Variants in HDAC4 observed in about 807,000 individuals in gnomAD.
The protein encoded by HDAC4 is histone deacetylase 4.
HDAC4 carries 16 observed loss-of-function variants against 135.1 expected under a neutral mutation model. The ratio of observed to expected loss-of-function variants is 0.12; its 90% CI spans 0.08 to 0.18. The LOEUF (loss-of-function observed/expected upper bound fraction) is 0.18, where lower values mean the gene tolerates loss of function less well. Ranked by LOEUF, HDAC4 falls within the 10% of genes least tolerant of loss-of-function variation. HDAC4 has a pLI of 1.00. For missense variants in HDAC4, 1,143 were observed against 1,511.8 expected (o/e 0.76, Z 4.05); for synonymous variants, 685 against 653.4 (o/e 1.05, Z -0.74).
intron 11 of HDAC4, 65 bp downstream of exon 11, chr2:239,134,180 C>G (rs1021517283): frequency 2.1e-5 from 28 of 1,344,942 alleles, no homozygotes; most frequent in Admixed American, 1.0e-4. Flanking sequence ...CAGGCGAAGG[C>G]GGGGCACCAT....
chr2:239,197,882 T>TGTGTGCGCGC (rs796837146), intron 3 of HDAC4, among the ~76,000 whole-genome samples: 1 of 150,312 alleles, frequency 6.7e-6, no homozygotes, highest in African/African-American at 2.5e-5. Context: ...TGTGTGTGTG[T>TGTGTGCGCGC]GCTGAGTGTC....
At chr2:239,072,249 G>T (rs531871303) in intron 22 of HDAC4, among the ~76,000 whole-genome samples, 1 of 152,154 alleles carries the variant, frequency 6.6e-6, no homozygotes, top group Non-Finnish European at 1.5e-5. Context: ...ACGTTAGTGC[G>T]AATTTATTTT....
chr2:239,156,545 G>C, intron 7 of HDAC4, 107 bp downstream of exon 7: 2 of 1,347,062 alleles, frequency 1.5e-6, no homozygotes, highest in Non-Finnish European at 2.1e-6. Flanking sequence ...AAATCTGCAG[G>C]TGATTCCTTC....
At chr2:239,382,038 A>C (rs1211329945) in intron 1 of HDAC4, among the ~76,000 whole-genome samples, 2 of 152,062 alleles carry the variant, frequency 1.3e-5, no homozygotes, top group African/African-American at 4.8e-5. Context: ...CAGATCACAT[A>C]CGGCTCCCTA....
chr2:239,130,539 C>T (rs1465068709), intron 11 of HDAC4, among the ~76,000 whole-genome samples: 2 of 133,590 alleles, frequency 1.5e-5, no homozygotes, highest in Non-Finnish European at 3.5e-5. Flanking sequence ...TACACATCTC[C>T]CTCCACCTGT....
rs868861715 is a variant in HDAC4, at chr2:239,352,229, G to A, written c.22+449C>T. On this transcript the variant is annotated intron_variant, in intron 2 of 26. Transcript: ENST00000543185. This position sits in a 1 kb window ranked among gnomAD's most constrained non-coding sequence, Gnocchi z 4.4. ...CCTCACAGAGGCCCTCAAACACCAG[G>A]AGCAACTGTGGCCACGACCTCAGTG... 6.6e-6 allele frequency among the ~76,000 whole-genome samples: 1 copy of A among 152,072 alleles called. No individual in the cohort carries two copies. Among genetic ancestry groups the A allele is most frequent in the Non-Finnish European group, 1.5e-5 (1 of 68,008 alleles).
chr2:239,354,511 C>T (rs1298080462), intron 1 of HDAC4, among the ~76,000 whole-genome samples: 3 of 144,996 alleles, frequency 2.1e-5, no homozygotes, highest in Non-Finnish European at 4.5e-5. Flanking sequence ...CTGTGTTCAT[C>T]TTTCTTTAAA....
chr2:239,125,779 C>T (rs1185209616), intron 12 of HDAC4, among the ~76,000 whole-genome samples: 1 of 152,262 alleles, frequency 6.6e-6, no homozygotes, highest in Non-Finnish European at 1.5e-5. Flanking sequence ...CCTACTACCT[C>T]CTCCTGAAAA....
chr2:239,360,071 G>C (rs1486230286), intron 1 of HDAC4, among the ~76,000 whole-genome samples: 2 of 152,186 alleles, frequency 1.3e-5, no homozygotes, highest in Non-Finnish European at 2.9e-5. Context: ...GAACGGGGTA[G>C]CTGGCAAAGC....
At position 239,051,882 on chromosome 2, in the gene HDAC4, T is replaced by G. The variant is rs2106372385; in HGVS notation, c.*1215A>C. The stretch of plus-strand genomic sequence containing the variant: ...ATATATACTTTTTCTATAAATGCAT[T>G]ATAAATATTTTATCAAGATTTCATA... On this transcript the variant is annotated 3_prime_UTR_variant, in exon 27 of 27. Transcript: ENST00000543185. 6.6e-6 allele frequency: 1 copy of G among 151,594 alleles called. No individual in the cohort carries two copies. Among genetic ancestry groups the G allele is most frequent in the South Asian group, 2.1e-4 (1 of 4,824 alleles). The allele number at this position is 151,594 out of a possible 1,614,324, so 9.4% of individuals were successfully genotyped here. A position where few individuals can be genotyped will look rare whatever the true frequency, so the allele number is the denominator to read the frequency against.
intron 24 of HDAC4, among the ~76,000 whole-genome samples, chr2:239,058,060 CAAGT>C (rs1265725118): frequency 6.6e-6 from 1 of 152,136 alleles, no homozygotes; most frequent in Non-Finnish European, 1.5e-5. Flanking sequence ...GTCTGATAAA[CAAGT>C]AGTTTTGCAG....
At chr2:239,226,263 A>ACAAAC (rs2047235113) in intron 3 of HDAC4, among the ~76,000 whole-genome samples, 1 of 152,202 alleles carries the variant, frequency 6.6e-6, no homozygotes, top group Non-Finnish European at 1.5e-5. Context: ...CTCCGAATAC[A>ACAAAC]CAAACCAAAC....
chr2:239,194,505 G>A (rs1012179733), intron 3 of HDAC4, among the ~76,000 whole-genome samples: 8 of 152,134 alleles, frequency 5.3e-5, no homozygotes, highest in African/African-American at 9.7e-5. Flanking sequence ...CCTCCTGTGC[G>A]TGCATCACCT....
intron 17 of HDAC4, 83 bp downstream of exon 17, chr2:239,094,927 G>A (rs2036867075): frequency 6.2e-7 from 1 of 1,609,786 alleles, no homozygotes. Flanking sequence ...TATTCACTTT[G>A]AGGGAAGCAA....
chr2:239,351,502 T>C (rs916616517), intron 2 of HDAC4, among the ~76,000 whole-genome samples: 3 of 152,224 alleles, frequency 2.0e-5, no homozygotes, highest in African/African-American at 7.2e-5. Flanking sequence ...GCCAGCTCCA[T>C]TCAATGTCTA....
Position 239,085,041 on chromosome 2 carries a change from GACAC to G in HDAC4, c.2445-803_2445-800del, listed in dbSNP as rs139333488. Among the ~76,000 whole-genome samples, 564 of 138,778 alleles carry G rather than the reference GACAC, an allele frequency of 4.1e-3. 5 individuals are homozygous for G. Among genetic ancestry groups the G allele is most frequent in the African/African-American group, 0.013 (463 of 36,136 alleles). The allele number at this position is 138,778 out of a possible 152,430, so 91.0% of individuals were successfully genotyped here. A position where few individuals can be genotyped will look rare whatever the true frequency, so the allele number is the denominator to read the frequency against. ...CCACAGTTCCATACTGAGACAGACA[GACAC>G]ACACACACACACACACACACACACA... On this transcript the variant is annotated intron_variant, in intron 19 of 26. Transcript: ENST00000543185.
Position 239,052,824 on chromosome 2 carries a change from G to C in HDAC4, c.*273C>G, listed in dbSNP as rs1357536063. ...ACGGCGTCCCTTGCGGGACCCGCCA[G>C]AGTGTGCTTGGCTTCCGCGTGTCCG... On this transcript the variant is annotated 3_prime_UTR_variant, in exon 27 of 27. Transcript: ENST00000543185. The C allele has an allele frequency of 2.0e-6, 1 of 508,414 alleles. No homozygotes were observed. The highest frequency in any genetic ancestry group is 3.5e-6 in the Non-Finnish European group (1 of 282,268). 31.5% of individuals were successfully genotyped at this position (508,414 alleles called of 1,614,324 possible). A position where few individuals can be genotyped will look rare whatever the true frequency, so the allele number is the denominator to read the frequency against.
chr2:239,173,328 T>C (rs1429883605), intron 5 of HDAC4, among the ~76,000 whole-genome samples: 1 of 152,198 alleles, frequency 6.6e-6, no homozygotes, highest in African/African-American at 2.4e-5. Context: ...TGGGGTTATT[T>C]TAAAAATGCC....
Position 239,050,813 on chromosome 2 carries a change from T to C in HDAC4, c.*2284A>G, listed in dbSNP as rs1241043334. On this transcript the variant is annotated 3_prime_UTR_variant, in exon 27 of 27. Transcript: ENST00000543185. ...AAATAAGTTACCAGTAAAACGTGAC[T>C]GTCAGTTACTGTTGAAGAGAAAAAG... The C allele has an allele frequency of 1.3e-5, 2 of 152,628 alleles. No homozygotes were observed. Among genetic ancestry groups the C allele is most frequent in the Admixed American group, 1.3e-4 (2 of 15,286 alleles). 9.5% of individuals were successfully genotyped at this position (152,628 alleles called of 1,614,324 possible).
Sources: allele counts gnomAD v4.1 joint callset (sites outside exome capture counted in the v4.1 genomes callset), GRCh38; gene constraint gnomAD v4.1.1; non-coding constraint Gnocchi (gnomAD v3.1); transcripts MANE v1.5; gene names NCBI Gene and HGNC (gene_info 2026-07-23, HGNC 2026-07-21).